The following FAM168A variants were observed in gnomAD, a reference collection of about 807,000 sequenced individuals.
FAM168A encodes the protein protein FAM168A.
In FAM168A, 3 loss-of-function variants were observed where a neutral mutation model predicts 28.5. That is an observed-to-expected ratio of 0.11 (90% CI 0.05 to 0.27). FAM168A has a LOEUF of 0.27. FAM168A is among the 10% of genes least tolerant of loss of function. The probability of loss-of-function intolerance (pLI) is 1.00; values close to 1 mark genes in which losing one functional copy is unlikely to be tolerated. For synonymous variants in FAM168A, 122 were observed against 124.2 expected, an observed-to-expected ratio of 0.98 and a Z score of 0.12; for missense variants, 222 against 311.5, an observed-to-expected ratio of 0.71 and a Z score of 2.16.
At chr11:73,555,576 T>C (rs1017862148) in intron 1 of FAM168A, among the ~76,000 whole-genome samples, 3 of 151,720 alleles carry the variant, frequency 2.0e-5, no homozygotes, top group East Asian at 3.9e-4. Context: ...GGCGTGGTCA[T>C]GGGCGCCTGT....
intron 1 of FAM168A, among the ~76,000 whole-genome samples, chr11:73,514,936 T>C (rs1482307989): frequency 6.6e-6 from 1 of 152,064 alleles, no homozygotes; most frequent in Non-Finnish European, 1.5e-5. Context: ...CAAAGATCCT[T>C]ATCAAAGAAA....
At chr11:73,563,095 A>G (rs1943978304) in intron 1 of FAM168A, among the ~76,000 whole-genome samples, 1 of 152,246 alleles carries the variant, frequency 6.6e-6, no homozygotes, top group African/African-American at 2.4e-5. Flanking sequence ...CTACTCCAAG[A>G]AAAGACTCGA....
intron 4 of FAM168A, among the ~76,000 whole-genome samples, chr11:73,415,735 G>T (rs1019510269): frequency 6.6e-6 from 1 of 152,146 alleles, no homozygotes; most frequent in Non-Finnish European, 1.5e-5. Flanking sequence ...CTAAGTAAAA[G>T]AAGCTGTTGG....
At chr11:73,468,801 G>A (rs1867774323) in intron 1 of FAM168A, among the ~76,000 whole-genome samples, 1 of 152,214 alleles carries the variant, frequency 6.6e-6, no homozygotes, top group South Asian at 2.1e-4. Flanking sequence ...GTACTATGTG[G>A]CATTGGCCAT....
At chr11:73,491,998 A>T (rs1338253103) in intron 1 of FAM168A, among the ~76,000 whole-genome samples, 1 of 152,240 alleles carries the variant, frequency 6.6e-6, no homozygotes, top group Non-Finnish European at 1.5e-5. Flanking sequence ...TAAATTTAAA[A>T]TGCTAAAAAC....
rs1866576700 is a variant in FAM168A, at chr11:73,409,807, G to C, written c.421-146C>G. The C allele has an allele frequency of 5.3e-6, 4 of 754,204 alleles. No homozygotes were observed. In the South Asian group the frequency reaches 8.5e-5, roughly 16 times the overall value. 46.7% of individuals were successfully genotyped at this position (754,204 alleles called of 1,614,324 possible). A position where few individuals can be genotyped will look rare whatever the true frequency, so the allele number is the denominator to read the frequency against. ...TGTGACTGTGGTCAGTGCAGTGCTG[G>C]GCTCAGCTTCTGGTCTGAAAAATAA... On this transcript the variant is annotated intron_variant, in intron 5 of 7. Transcript: ENST00000356467.
chr11:73,485,430 T>C (rs1052240070), intron 1 of FAM168A, among the ~76,000 whole-genome samples: 2 of 152,208 alleles, frequency 1.3e-5, no homozygotes, highest in African/African-American at 2.4e-5. Context: ...CACGTGTCTT[T>C]TGAATATTCA....
intron 1 of FAM168A, among the ~76,000 whole-genome samples, chr11:73,521,036 G>A (rs1943368199): frequency 6.6e-6 from 1 of 152,142 alleles, no homozygotes; most frequent in African/African-American, 2.4e-5. Context: ...GAAACCAGTA[G>A]GTTCCAAGTG....
intron 1 of FAM168A, among the ~76,000 whole-genome samples, chr11:73,496,479 C>A (rs567018413): frequency 6.6e-6 from 1 of 152,336 alleles, no homozygotes; most frequent in South Asian, 2.1e-4. Context: ...CAATGAAGTG[C>A]ATATAGTTAA....
chr11:73,528,704 C>T (rs994276035), intron 1 of FAM168A, among the ~76,000 whole-genome samples: 7 of 152,130 alleles, frequency 4.6e-5, no homozygotes, highest in African/African-American at 1.7e-4. Flanking sequence ...GGACCTCTGT[C>T]CTGTAACACT....
intron 2 of FAM168A, among the ~76,000 whole-genome samples, chr11:73,457,723 CAA>C (rs58142151): frequency 1.3e-4 from 5 of 37,532 alleles, no homozygotes; most frequent in Non-Finnish European, 3.1e-4. Flanking sequence ...GCCTGGGTGA[CAA>C]AAAAAAAAAA....
intron 1 of FAM168A, among the ~76,000 whole-genome samples, chr11:73,502,451 C>A (rs915908571): frequency 6.6e-6 from 1 of 152,150 alleles, no homozygotes; most frequent in South Asian, 2.1e-4. Flanking sequence ...CCAGGAAGAA[C>A]TCAGATCCCT....
intron 1 of FAM168A, among the ~76,000 whole-genome samples, chr11:73,576,304 C>G (rs1673552169): frequency 6.6e-6 from 1 of 152,098 alleles, no homozygotes; most frequent in South Asian, 2.1e-4. Flanking sequence ...GAATTGTCAG[C>G]CAGAATGTTA....
At chr11:73,465,898 T>A (rs981626449) in intron 2 of FAM168A, among the ~76,000 whole-genome samples, 3 of 152,138 alleles carry the variant, frequency 2.0e-5, no homozygotes, top group African/African-American at 7.2e-5. Flanking sequence ...AAAATAGGTA[T>A]TTTCTGTAAA....
In FAM168A at chr11:73,506,093, G is replaced by A. The variant is rs542049766; in HGVS notation, c.-18-37601C>T. Among the ~76,000 whole-genome samples the A allele has an allele frequency of 1.1e-4, 17 of 152,146 alleles. No homozygotes were observed. The East Asian group carries it at 3.1e-3, about 28-fold the overall frequency. ...CACTTCCTAAGAAGTTCCACACCAG[G>A]ACCTCCATGTTAACTGCAGGCAGGG... On this transcript the variant is annotated intron_variant, in intron 1 of 7. Coordinates refer to ENST00000356467, the MANE Select transcript of FAM168A (RefSeq NM_015159.3).
chr11:73,553,677 A>G (rs947685773), intron 1 of FAM168A, among the ~76,000 whole-genome samples: 1 of 152,166 alleles, frequency 6.6e-6, no homozygotes, highest in Admixed American at 6.5e-5. Context: ...GTGTATATCA[A>G]GAGCCTTTAA....
intron 1 of FAM168A, among the ~76,000 whole-genome samples, chr11:73,523,416 C>G (rs1409941557): frequency 6.6e-6 from 1 of 151,982 alleles, no homozygotes; most frequent in African/African-American, 2.4e-5. Flanking sequence ...CTACCTCTGC[C>G]TCCCCAGTAG....
At chr11:73,417,008 A>G (rs1866706222) in intron 4 of FAM168A, among the ~76,000 whole-genome samples, 2 of 152,092 alleles carry the variant, frequency 1.3e-5, no homozygotes, top group Admixed American at 1.3e-4. Flanking sequence ...CCTGTCTGGG[A>G]GGGAACAGTG....
intron 2 of FAM168A, among the ~76,000 whole-genome samples, chr11:73,464,320 T>G (rs1244171861): frequency 1.5e-5 from 2 of 130,438 alleles, no homozygotes; most frequent in African/African-American, 5.7e-5. Context: ...AAAACAGCAA[T>G]CTGGGGGTGG....
Sources: allele counts gnomAD v4.1 joint callset (sites outside exome capture counted in the v4.1 genomes callset), GRCh38; gene constraint gnomAD v4.1.1; transcripts MANE v1.5; gene names NCBI Gene and HGNC (gene_info 2026-07-23, HGNC 2026-07-21).